BANK1: variants seen among roughly 807,000 people sequenced by gnomAD.
BANK1 encodes B cell scaffold protein with ankyrin repeats 1, also known as B-cell scaffold protein with ankyrin repeats.
BANK1 carries 95 observed loss-of-function variants against 94.5 expected under a neutral mutation model. The observed-to-expected ratio is 1.00, with a 90% CI of 0.85 to 1.19. The LOEUF (loss-of-function observed/expected upper bound fraction) is 1.19, where lower values mean the gene tolerates loss of function less well. Ranked by LOEUF, BANK1 falls within the 50% of genes most tolerant of loss-of-function variation. BANK1 has a pLI of 0.00. For synonymous variants in BANK1, 334 were observed against 308.4 expected, an observed-to-expected ratio of 1.08 and a Z score of -0.87; for missense variants, 987 against 932.2, an observed-to-expected ratio of 1.06 and a Z score of -0.77.
intron 10 of BANK1, among the ~76,000 whole-genome samples, chr4:102,040,720 A>C (rs1281896847): frequency 2.0e-5 from 3 of 152,064 alleles, no homozygotes; most frequent in African/African-American, 7.2e-5. Context: ...TCCTCAAAAC[A>C]TAGCATTCCA....
chr4:101,982,313 C>A (rs941963193), intron 7 of BANK1, among the ~76,000 whole-genome samples: 2 of 151,168 alleles, frequency 1.3e-5, no homozygotes, highest in Admixed American at 1.3e-4. Flanking sequence ...CTTTAACAAC[C>A]CATATAAATT....
chr4:101,822,699 T>C (rs979311844), intron 1 of BANK1, among the ~76,000 whole-genome samples: 1 of 151,222 alleles, frequency 6.6e-6, no homozygotes, highest in Non-Finnish European at 1.5e-5. Context: ...CACTTCAAGC[T>C]CCACCTCCCA....
At chr4:102,071,938 T>A (rs1389433191) in intron 14 of BANK1, among the ~76,000 whole-genome samples, 1 of 152,014 alleles carries the variant, frequency 6.6e-6, no homozygotes, top group African/African-American at 2.4e-5. Flanking sequence ...GGAATGCCAG[T>A]GATAAAGGCA....
At chr4:101,922,360 A>G (rs941830378) in intron 7 of BANK1, among the ~76,000 whole-genome samples, 1 of 151,698 alleles carries the variant, frequency 6.6e-6, no homozygotes, top group African/African-American at 2.4e-5. Context: ...TATCCATGTT[A>G]TATAATTTAG....
intron 11 of BANK1, among the ~76,000 whole-genome samples, chr4:102,058,468 A>T (rs1233514238): frequency 6.6e-6 from 1 of 152,128 alleles, no homozygotes; most frequent in Non-Finnish European, 1.5e-5. Flanking sequence ...AACTAAAAAA[A>T]ATACAAAATT....
intron 1 of BANK1, among the ~76,000 whole-genome samples, chr4:101,826,660 G>A (rs1007561850): frequency 1.3e-5 from 2 of 151,894 alleles, no homozygotes; most frequent in African/African-American, 4.8e-5. Flanking sequence ...ATCCAGGCTA[G>A]ATGAGATACT....
At chr4:101,804,021 A>G (rs1171075576) in intron 1 of BANK1, among the ~76,000 whole-genome samples, 2 of 137,630 alleles carry the variant, frequency 1.5e-5, no homozygotes, top group Non-Finnish European at 3.2e-5. Context: ...AAAAAAAAAA[A>G]AAAAGAAATA....
intron 10 of BANK1, among the ~76,000 whole-genome samples, chr4:102,031,182 G>A (rs1727294012): frequency 6.6e-6 from 1 of 152,156 alleles, no homozygotes; most frequent in Admixed American, 6.5e-5. Context: ...GCATTTCTCT[G>A]ATGACCAGTG....
At chr4:101,900,157 T>C (rs1434371999) in intron 6 of BANK1, among the ~76,000 whole-genome samples, 3 of 152,230 alleles carry the variant, frequency 2.0e-5, no homozygotes, top group East Asian at 3.8e-4. Flanking sequence ...CATTCATTTA[T>C]GTAACAAGTA....
intron 5 of BANK1, among the ~76,000 whole-genome samples, chr4:101,894,310 T>G (rs1721988370): frequency 6.6e-6 from 1 of 152,058 alleles, no homozygotes. Flanking sequence ...ATGCTGGGTT[T>G]TGTTATGCAT....
At chr4:101,998,025 A>G (rs1386309328) in intron 7 of BANK1, among the ~76,000 whole-genome samples, 1 of 152,098 alleles carries the variant, frequency 6.6e-6, no homozygotes, top group Non-Finnish European at 1.5e-5. Flanking sequence ...GCGATTTTAG[A>G]TCTTTCCCAC....
chr4:102,055,495 G>A (rs1728196013), intron 11 of BANK1, among the ~76,000 whole-genome samples: 1 of 151,926 alleles, frequency 6.6e-6, no homozygotes, highest in Non-Finnish European at 1.5e-5. Context: ...TCTAGCAACT[G>A]CAATAACATG....
At chr4:101,895,608 T>A (rs931533062) in intron 6 of BANK1, among the ~76,000 whole-genome samples, 198 bp downstream of exon 6, 6 of 151,888 alleles carry the variant, frequency 4.0e-5, no homozygotes, top group Non-Finnish European at 8.8e-5. Context: ...ATCTCAGGCC[T>A]TAAAAATGCA....
intron 11 of BANK1, among the ~76,000 whole-genome samples, chr4:102,049,115 T>C (rs868867115): frequency 8.5e-5 from 13 of 152,206 alleles, no homozygotes; most frequent in Non-Finnish European, 1.5e-4. Context: ...AGAGGACTGA[T>C]TCATACCCCC....
At chr4:102,063,949 C>T (rs1204845002) in intron 13 of BANK1, among the ~76,000 whole-genome samples, 1 of 151,960 alleles carries the variant, frequency 6.6e-6, no homozygotes, top group Non-Finnish European at 1.5e-5. Flanking sequence ...TTGAAAGTTG[C>T]TTTGGCAGTG....
intron 7 of BANK1, among the ~76,000 whole-genome samples, chr4:101,957,967 C>T (rs1724423216): frequency 6.6e-6 from 1 of 151,676 alleles, no homozygotes; most frequent in African/African-American, 2.4e-5. Context: ...GCCTCAGCCT[C>T]CCGAGTAGCT....
chr4:101,938,943 C>T (rs1156635658), intron 7 of BANK1, among the ~76,000 whole-genome samples: 1 of 151,646 alleles, frequency 6.6e-6, no homozygotes, highest in Non-Finnish European at 1.5e-5. Context: ...GTTTATTCAC[C>T]CCACATTTCT....
chr4:101,828,886 A>G (rs145933153), intron 1 of BANK1, among the ~76,000 whole-genome samples: 18 of 151,656 alleles, frequency 1.2e-4, no homozygotes, highest in Non-Finnish European at 2.4e-4. Context: ...TTTTTGAGAC[A>G]GAGTCTCACT....
chr4:102,037,030 A>G (rs760343045), intron 10 of BANK1: 1 of 152,248 alleles, frequency 6.6e-6, no homozygotes, highest in African/African-American at 2.4e-5. Flanking sequence ...CGACAGCACA[A>G]TGAATTCTGG....
Sources: gnomAD v4.1 joint callset for allele counts (sites outside exome capture counted in the v4.1 genomes callset) on GRCh38, gnomAD v4.1.1 for gene constraint, MANE v1.5 for transcripts, NCBI Gene and HGNC (gene_info 2026-07-23, HGNC 2026-07-21) for gene names.